IL1RAPL2: variants seen among roughly 807,000 people sequenced by gnomAD.
IL1RAPL2 encodes the protein interleukin 1 receptor accessory protein like 2.
Under a neutral mutation model 44.1 loss-of-function variants are expected in IL1RAPL2, and 3 were observed. The observed-to-expected ratio is 0.07, with a 90% confidence interval of 0.03 to 0.18. IL1RAPL2 has a LOEUF of 0.18. Among genes scored for constraint, IL1RAPL2 ranks in the 10% least tolerant of loss-of-function variants. The probability of loss-of-function intolerance (pLI) is 1.00; values close to 1 mark genes in which losing one functional copy is unlikely to be tolerated. For missense variants in IL1RAPL2, 391 were observed against 496.4 expected (o/e 0.79, Z 2.02); for synonymous variants, 181 against 178.8 (o/e 1.01, Z -0.10).
chrX:105,123,332 A>G (rs2032944222), intron 2 of IL1RAPL2, among the ~76,000 whole-genome samples: 1 of 111,288 alleles, frequency 9.0e-6, no homozygotes, highest in Non-Finnish European at 1.9e-5. Context: ...TATCAGGGCA[A>G]TATCCTAGTA....
chrX:104,652,381 A>G (rs773737050), intron 1 of IL1RAPL2, among the ~76,000 whole-genome samples: 1 of 112,354 alleles, frequency 8.9e-6, no homozygotes, highest in Non-Finnish European at 1.9e-5. Context: ...TAACTTGAAA[A>G]AACACTAAAA....
intron 6 of IL1RAPL2, among the ~76,000 whole-genome samples, chrX:105,687,890 C>A (rs759827512): frequency 1.8e-5 from 2 of 111,694 alleles, no homozygotes; most frequent in Admixed American, 9.5e-5. Context: ...AAATAGGCCT[C>A]ATCCCTGGGA....
At chrX:104,820,337 C>T (rs1461603012) in intron 2 of IL1RAPL2, among the ~76,000 whole-genome samples, 1 of 111,915 alleles carries the variant, frequency 8.9e-6, no homozygotes, top group East Asian at 2.8e-4. Flanking sequence ...TGTGTATTTG[C>T]CTTACTCTCT....
At chrX:104,731,352 G>T (rs1216064537) in intron 2 of IL1RAPL2, among the ~76,000 whole-genome samples, 1 of 110,412 alleles carries the variant, frequency 9.1e-6, no homozygotes, top group Non-Finnish European at 1.9e-5. Context: ...ATGGTTTTAG[G>T]TCTAACATTT....
chrX:105,169,399 A>G (rs1165102560), intron 2 of IL1RAPL2, among the ~76,000 whole-genome samples: 2 of 107,342 alleles, frequency 1.9e-5, no homozygotes. Context: ...AATTCAGTGA[A>G]AAAAAAAAAC....
intron 2 of IL1RAPL2, among the ~76,000 whole-genome samples, chrX:104,908,010 A>C (rs974595277): frequency 2.7e-5 from 3 of 110,717 alleles, no homozygotes; most frequent in African/African-American, 9.9e-5. Flanking sequence ...ATATATATTT[A>C]GGATAGTTAG....
In IL1RAPL2 at chrX:104,764,546, A is replaced by T. The variant is rs148784003; in HGVS notation, c.82+105551A>T. 6.5e-3 allele frequency among the ~76,000 whole-genome samples: 722 copies of T among 111,754 alleles called. 3 individuals are homozygous for T. Among genetic ancestry groups the T allele is most frequent in the African/African-American group, 0.022 (687 of 30,822 alleles). On this transcript the variant is annotated intron_variant, in intron 2 of 10. Coordinates refer to ENST00000372582, the MANE Select transcript of IL1RAPL2 (RefSeq NM_017416.2). ...CCTTTCCAATTTGGATGCCCTTTAT[A>T]TCTTCCTCTTGTCTGATTGCTCTAT...
chrX:105,455,406 C>G (rs752254615), intron 5 of IL1RAPL2, among the ~76,000 whole-genome samples: 2 of 111,938 alleles, frequency 1.8e-5, no homozygotes, highest in Non-Finnish European at 3.8e-5. Flanking sequence ...ATTCCTGTGT[C>G]TAAGATGGTA....
intron 8 of IL1RAPL2, among the ~76,000 whole-genome samples, chrX:105,742,088 C>T (rs1026083136): frequency 1.8e-5 from 2 of 111,505 alleles, no homozygotes; most frequent in African/African-American, 6.5e-5. Context: ...TCAGAGCCTG[C>T]TGCTATACCT....
At chrX:105,157,032 A>T (rs1482026127) in intron 2 of IL1RAPL2, among the ~76,000 whole-genome samples, 7 of 104,220 alleles carry the variant, frequency 6.7e-5, no homozygotes, top group Non-Finnish European at 1.9e-5. Context: ...TCTTTCTCCC[A>T]TCTATAAAGC....
chrX:105,386,931 A>G (rs886272568), intron 5 of IL1RAPL2, among the ~76,000 whole-genome samples: 1 of 111,654 alleles, frequency 9.0e-6, no homozygotes, highest in African/African-American at 3.3e-5. Flanking sequence ...TAAAATGGAA[A>G]TTGGAGAGGA....
chrX:104,894,013 C>G (rs746261494), intron 2 of IL1RAPL2, among the ~76,000 whole-genome samples: 1 of 111,413 alleles, frequency 9.0e-6, no homozygotes, highest in Non-Finnish European at 1.9e-5. Context: ...ATTTGCTTGT[C>G]TGTAAAGTAT....
Position 104,920,540 on chromosome X carries a change from T to G in IL1RAPL2, c.82+261545T>G, listed in dbSNP as rs1924606880. Among the ~76,000 whole-genome samples the G allele has an allele frequency of 5.2e-5, 5 of 96,701 alleles. No homozygotes were observed. In the Admixed American group the frequency reaches 5.6e-4, roughly 11 times the overall value. 84.0% of individuals were successfully genotyped at this position (96,701 alleles called of 115,157 possible). On this transcript the variant is annotated intron_variant, in intron 2 of 10. Transcript: ENST00000372582. ...GTGGCCCCTCCCCTCCCCTCCCCTC[T>G]CTTGCTCCTGCTTTCATCATGTGAC...
chrX:104,727,519 G>A (rs1240386683), intron 2 of IL1RAPL2, among the ~76,000 whole-genome samples: 2 of 111,419 alleles, frequency 1.8e-5, no homozygotes, highest in Non-Finnish European at 3.8e-5. Context: ...ATGGAAAACG[G>A]TATGTAGATT....
chrX:105,569,859 T>C (rs2037001967), intron 6 of IL1RAPL2, among the ~76,000 whole-genome samples: 1 of 111,712 alleles, frequency 9.0e-6, no homozygotes. Flanking sequence ...CTGGAGTCAG[T>C]ACCATTTTTG....
chrX:104,916,799 A>T (rs1225286368), intron 2 of IL1RAPL2, among the ~76,000 whole-genome samples: 1 of 111,403 alleles, frequency 9.0e-6, no homozygotes, highest in Non-Finnish European at 1.9e-5. Context: ...ATTTTGTCAA[A>T]GGCCTTTTCT....
At chrX:104,815,953 G>T (rs777470694) in intron 2 of IL1RAPL2, among the ~76,000 whole-genome samples, 19 of 109,151 alleles carry the variant, frequency 1.7e-4, no homozygotes, top group Non-Finnish European at 3.1e-4. Context: ...ACATTTTTGG[G>T]GCAAAAATTC....
At chrX:105,031,612 T>C (rs1467560868) in intron 2 of IL1RAPL2, among the ~76,000 whole-genome samples, 3 of 111,926 alleles carry the variant, frequency 2.7e-5, no homozygotes, top group African/African-American at 9.7e-5. Flanking sequence ...GCATGGTGTA[T>C]AAGCTTTTTG....
chrX:105,724,380 G>A (rs2038333092), intron 7 of IL1RAPL2, among the ~76,000 whole-genome samples: 1 of 110,321 alleles, frequency 9.1e-6, no homozygotes, highest in South Asian at 3.9e-4. Context: ...TGCTCTCTGG[G>A]TCAGTTTCAC....
Sources: allele counts gnomAD v4.1 joint callset (sites outside exome capture counted in the v4.1 genomes callset), GRCh38; gene constraint gnomAD v4.1.1; transcripts MANE v1.5; gene names NCBI Gene and HGNC (gene_info 2026-07-23, HGNC 2026-07-21).